PTPRT: variants seen among roughly 807,000 people sequenced by gnomAD.
The protein encoded by PTPRT is receptor-type tyrosine-protein phosphatase T.
In PTPRT, 56 loss-of-function variants were observed where a neutral mutation model predicts 176.8. The ratio of observed to expected loss-of-function variants is 0.32; its 90% CI spans 0.26 to 0.40. The LOEUF (loss-of-function observed/expected upper bound fraction) is 0.40. Among genes scored for constraint, PTPRT ranks in the 10% least tolerant of loss-of-function variants. The pLI is 1.00. For missense variants in PTPRT, 1,540 were observed against 1,908.2 expected, an observed-to-expected ratio of 0.81 and a Z score of 3.60; for synonymous variants, 783 against 739.0, an observed-to-expected ratio of 1.06 and a Z score of -0.96.
intron 9 of PTPRT, among the ~76,000 whole-genome samples, chr20:42,393,583 A>C (rs1453170941): frequency 6.6e-6 from 1 of 152,152 alleles, no homozygotes; most frequent in Non-Finnish European, 1.5e-5. Flanking sequence ...ATAACACACA[A>C]GTTGGAATCT....
At chr20:42,330,630 T>C (rs752758337) in intron 11 of PTPRT, among the ~76,000 whole-genome samples, 42 of 152,154 alleles carry the variant, frequency 2.8e-4, no homozygotes, top group Non-Finnish European at 5.1e-4. Flanking sequence ...CCCACTGCTT[T>C]GGAAGGATCA....
At chr20:42,849,905 T>C (rs2078439607) in intron 2 of PTPRT, among the ~76,000 whole-genome samples, 1 of 152,198 alleles carries the variant, frequency 6.6e-6, no homozygotes, top group African/African-American at 2.4e-5. Flanking sequence ...TCCTGCTGTT[T>C]CTGTTTCCTA....
In PTPRT at chr20:42,791,276, C is replaced by A. The variant is rs57623327; in HGVS notation, c.405G>T (p.Val135=). 6.8e-6 allele frequency: 11 copies of A among 1,614,158 alleles called. No individual in the cohort carries two copies. Among genetic ancestry groups the A allele is most frequent in the Non-Finnish European group, 9.3e-6 (11 of 1,179,976 alleles). The part of the protein sequence containing the change: ...KVNGGPQGNP[V]WNVSGVVTEG... ...CAGTGACGACCCCGGACACATTCCA[C>A]ACAGGGTTCCCTTGGGGGCCACCAT... The change falls in exon 3 of 31, where the codon GTG becomes GTT. Residue 135 remains valine (V), a synonymous_variant. Transcript: ENST00000373187.
chr20:42,106,565 G>A (rs1231834391), intron 24 of PTPRT, among the ~76,000 whole-genome samples: 1 of 152,058 alleles, frequency 6.6e-6, no homozygotes, highest in Non-Finnish European at 1.5e-5. Context: ...ATTCTTCATT[G>A]GTGGAACTGC....
intron 1 of PTPRT, among the ~76,000 whole-genome samples, chr20:43,013,758 T>C (rs554895094): frequency 1.3e-5 from 2 of 152,190 alleles, no homozygotes; most frequent in Non-Finnish European, 2.9e-5. Flanking sequence ...TACCCTACAC[T>C]GTGCTATCCC....
At chr20:42,398,589 C>T (rs769653409) in intron 9 of PTPRT, among the ~76,000 whole-genome samples, 4 of 151,978 alleles carry the variant, frequency 2.6e-5, no homozygotes, top group Non-Finnish European at 5.9e-5. Context: ...AATGGCGCAT[C>T]GACAAGAACA....
chr20:42,244,578 G>A (rs1431386407), intron 14 of PTPRT, among the ~76,000 whole-genome samples: 4 of 152,096 alleles, frequency 2.6e-5, no homozygotes, highest in South Asian at 4.2e-4. Flanking sequence ...CCAGGGGTGC[G>A]GATCTTGTGA....
chr20:42,649,721 T>C (rs539740326), intron 7 of PTPRT, among the ~76,000 whole-genome samples: 1 of 152,300 alleles, frequency 6.6e-6, no homozygotes, highest in Non-Finnish European at 1.5e-5. Context: ...AAAAAGTGTT[T>C]GCTGGTTGAG....
intron 1 of PTPRT, among the ~76,000 whole-genome samples, chr20:43,054,804 G>A (rs1483211359): frequency 6.6e-6 from 1 of 152,062 alleles, no homozygotes. Context: ...GGGGTGGGGG[G>A]AGCAGCAAAG....
At chr20:42,628,045 G>A (rs906984923) in intron 7 of PTPRT, among the ~76,000 whole-genome samples, 1 of 152,096 alleles carries the variant, frequency 6.6e-6, no homozygotes, top group African/African-American at 2.4e-5. Context: ...AAAACCCTAA[G>A]GCCTAGGAGC....
chr20:42,448,043 C>G (rs1300387291), intron 9 of PTPRT, among the ~76,000 whole-genome samples, 177 bp downstream of exon 9: 1 of 152,144 alleles, frequency 6.6e-6, no homozygotes, highest in Non-Finnish European at 1.5e-5. Context: ...TTGGGGCTAC[C>G]AGGACAGCTC....
At chr20:42,172,144 T>C (rs1990104312) in intron 16 of PTPRT, among the ~76,000 whole-genome samples, 1 of 151,642 alleles carries the variant, frequency 6.6e-6, no homozygotes, top group Non-Finnish European at 1.5e-5. Context: ...GATAGGTGGG[T>C]TTGAAAAATA....
intron 9 of PTPRT, among the ~76,000 whole-genome samples, chr20:42,429,274 C>G (rs962826181): frequency 6.6e-6 from 1 of 152,114 alleles, no homozygotes; most frequent in Non-Finnish European, 1.5e-5. Flanking sequence ...AGGAAATAGA[C>G]AGATAATTCA....
chr20:42,082,778 G>A (rs567092075), intron 29 of PTPRT, among the ~76,000 whole-genome samples: 118 of 152,356 alleles, frequency 7.7e-4, no homozygotes, highest in African/African-American at 2.7e-3. Context: ...GACAGTCCCT[G>A]TAGGAATATG....
intron 9 of PTPRT, among the ~76,000 whole-genome samples, chr20:42,381,352 C>T (rs2145633705): frequency 1.3e-5 from 2 of 152,224 alleles, no homozygotes; most frequent in South Asian, 4.2e-4. Flanking sequence ...CTTTAAGAGC[C>T]AAAGCCCAAT....
chr20:42,447,173 T>C (rs576066025), intron 9 of PTPRT, among the ~76,000 whole-genome samples: 1 of 152,292 alleles, frequency 6.6e-6, no homozygotes, highest in Admixed American at 6.5e-5. Flanking sequence ...TATACATGCA[T>C]GTTTCTGCAT....
chr20:43,100,008 G>C (rs902687411), intron 1 of PTPRT, among the ~76,000 whole-genome samples: 1 of 152,196 alleles, frequency 6.6e-6, no homozygotes, highest in African/African-American at 2.4e-5. Context: ...ATTAATCTTG[G>C]AAGGAAGCAC....
chr20:42,668,366 T>C (rs187225531), intron 7 of PTPRT, among the ~76,000 whole-genome samples: 16 of 152,276 alleles, frequency 1.1e-4, no homozygotes, highest in Non-Finnish European at 1.8e-4. Context: ...TGCCACCTTC[T>C]ACAGAGAAGA....
At chr20:42,756,786 A>C in intron 5 of PTPRT, 150 bp from the exon 6 acceptor site, 26 of 664,300 alleles carry the variant, frequency 3.9e-5, no homozygotes, top group Non-Finnish European at 5.4e-5. Flanking sequence ...ACAGTGGCTC[A>C]TGCCTGTAAT....
Sources: gnomAD v4.1 joint callset for allele counts (sites outside exome capture counted in the v4.1 genomes callset) on GRCh38, gnomAD v4.1.1 for gene constraint, MANE v1.5 for transcripts, NCBI Gene and HGNC (gene_info 2026-07-23, HGNC 2026-07-21) for gene names.